Variants in OXSM observed in about 807,000 individuals in gnomAD.
OXSM encodes the protein 3-oxoacyl-ACP synthase, mitochondrial.
Under a neutral mutation model 29.2 loss-of-function variants are expected in OXSM, and 19 were observed. That is an observed-to-expected ratio of 0.65 (90% CI 0.45 to 0.96). The LOEUF is 0.96. OXSM is among the 40% of genes least tolerant of loss of function. The pLI is 0.00. For missense variants in OXSM, 554 were observed against 551.3 expected, an observed-to-expected ratio of 1.00 and a Z score of -0.05; for synonymous variants, 178 against 197.1, an observed-to-expected ratio of 0.90 and a Z score of 0.81.
At position 25,791,345 on chromosome 3, in the gene OXSM, A is replaced by G. The variant is rs367918208; in HGVS notation, c.325A>G (p.Lys109Glu). 5 of 1,614,060 alleles carry G rather than the reference A, an allele frequency of 3.1e-6. No homozygotes were observed. The African/African-American group carries it at 5.3e-5, about 17-fold the overall frequency. Reference protein sequence around the residue: ...GQFNEQNFVSKSDIKSMSSPT... With the variant: ...GQFNEQNFVSESDIKSMSSPT... The stretch of plus-strand genomic sequence containing the variant: ...GTTCAATGAACAAAACTTTGTGTCC[A>G]AATCAGATATCAAGTCCATGTCTTC... Residue 109 changes from lysine (K) to glutamate (E), a missense_variant, in exon 2 of 3, where the codon AAA (lysine) becomes GAA (glutamate). Transcript: ENST00000280701.
intron 1 of OXSM, chr3:25,790,760 ATCAAT>A (rs1482614713): frequency 2.6e-6 from 1 of 387,518 alleles, no homozygotes; most frequent in East Asian, 4.3e-5. Context: ...CGAATGAATC[ATCAAT>A]TCATTTATTT....
rs115457773 is a variant in OXSM at position 25,793,071 on chromosome 3, G to A, written c.978-1021G>A. 5.9e-3 allele frequency among the ~76,000 whole-genome samples: 900 copies of A among 152,258 alleles called. 9 individuals are homozygous for A. The highest frequency in any genetic ancestry group is 0.02 in the African/African-American group (841 of 41,560). ...ATTTACAAAAATAGGCATCTAGCCA[G>A]GGCCATAGTTTACCTACCCCTAAAT... On this transcript the variant is annotated intron_variant, in intron 2 of 2. Transcript: ENST00000280701.
rs1233315632 is a variant in OXSM at position 25,791,285 on chromosome 3, G to A, written c.265G>A (p.Ala89Thr). ...EEYKSIPCSV[A>T]AYVPRGSDEG... ...GTATAAGAGTATCCCTTGCAGTGTT[G>A]CTGCTTATGTGCCAAGAGGTAGTGA... The change falls in exon 2 of 3, where the codon GCT becomes ACT. Residue 89 changes from alanine to threonine, a missense_variant. Physicochemically the swap from Ala to Thr is moderately conservative, Grantham distance 58. Coordinates refer to ENST00000280701, the MANE Select transcript of OXSM (RefSeq NM_017897.3). The A allele has an allele frequency of 6.2e-7, 1 of 1,614,024 alleles. No individual in the cohort carries two copies. The highest frequency in any genetic ancestry group is 1.3e-5 in the African/African-American group (1 of 74,890).
At chr3:25,792,963 A>G (rs1708794926) in intron 2 of OXSM, among the ~76,000 whole-genome samples, 1 of 152,198 alleles carries the variant, frequency 6.6e-6, no homozygotes, top group African/African-American at 2.4e-5. Flanking sequence ...GTCTGTTGCA[A>G]CTAATCAACT....
chr3:25,792,528 A>G (rs1253118608), intron 2 of OXSM, among the ~76,000 whole-genome samples: 1 of 152,078 alleles, frequency 6.6e-6, no homozygotes, highest in African/African-American at 2.4e-5. Flanking sequence ...GTCTCTCTGT[A>G]TTGCCCATGC....
chr3:25,794,284 A>C lies in OXSM; in HGVS notation c.1170A>C (p.Ala390=). 2 of 1,614,238 alleles carry C rather than the reference A, an allele frequency of 1.2e-6. No homozygotes were observed. The highest frequency in any genetic ancestry group is 1.7e-6 in the Non-Finnish European group (2 of 1,180,030). ...KGATGHLLGA[A]GAVEAAFTTL... is the part of the protein sequence containing the mutation. ...CAACAGGACATCTGCTGGGAGCTGC[A>C]GGGGCAGTCGAGGCAGCTTTTACCA... Residue 390 remains alanine, a synonymous_variant, in exon 3 of 3, where the codon GCA becomes GCC. Coordinates refer to ENST00000280701, the MANE Select transcript of OXSM (RefSeq NM_017897.3).
chr3:25,794,027 C>T, intron 2 of OXSM, 65 bp from the exon 3 acceptor site: 3 of 1,410,782 alleles, frequency 2.1e-6, no homozygotes, highest in Middle Eastern at 3.7e-4. Context: ...ATAAGCCATA[C>T]AGATAAAGAG....
Position 25,791,703 on chromosome 3 carries a change from C to A in OXSM, c.683C>A (p.Ala228Asp). 2 of 1,614,152 alleles carry A rather than the reference C, an allele frequency of 1.2e-6. No individual in the cohort carries two copies. The highest frequency in any genetic ancestry group is 1.7e-6 in the Non-Finnish European group (2 of 1,179,998). The change falls in exon 2 of 3, where the codon GCT (alanine) becomes GAT (aspartate). Residue 228 changes from alanine (A) to aspartate (D), a missense_variant. Physicochemically the swap from Ala to Asp is moderately radical, Grantham distance 126 (BLOSUM62 -2). Coordinates refer to ENST00000280701, the MANE Select transcript of OXSM (RefSeq NM_017897.3). ...DSFRFIAHGD[A>D]DVMVAGGTDS... Reference sequence around the variant, plus strand: ...TTTAGATTTATAGCCCATGGTGATGCTGATGTGATGGTGGCTGGAGGTACA... The same window carrying A: ...TTTAGATTTATAGCCCATGGTGATGATGATGTGATGGTGGCTGGAGGTACA...
rs755119171 is a variant in OXSM at position 25,794,253 on chromosome 3, A to G, written c.1139A>G (p.Lys380Arg). Residue 380 changes from lysine to arginine, a missense_variant, in exon 3 of 3, where the codon AAG becomes AGG. Lys to Arg is a conservative substitution (Grantham distance 26). Coordinates refer to ENST00000280701, the MANE Select transcript of OXSM (RefSeq NM_017897.3). ...HAYALAVSST[K>R]GATGHLLGAA... ...TATGCCCTTGCAGTTTCCTCAACTA[A>G]GGGAGCAACAGGACATCTGCTGGGA... is the stretch of plus-strand genomic sequence containing the variant. 43 of 1,614,136 alleles carry G rather than the reference A, an allele frequency of 2.7e-5. No homozygotes were observed. In the Admixed American group the frequency reaches 6.7e-4, roughly 25 times the overall value.
intron 1 of OXSM, chr3:25,790,774 T>A: frequency 2.4e-6 from 1 of 419,572 alleles, no homozygotes; most frequent in Non-Finnish European, 4.3e-6. Context: ...ATTCATTTAT[T>A]TGTCTTCAAA....
intron 1 of OXSM, chr3:25,790,602 A>G (rs1159281596): frequency 5.6e-6 from 1 of 177,502 alleles, no homozygotes; most frequent in Non-Finnish European, 1.2e-5. Context: ...TTAAAAGAAT[A>G]TGCCCTGAAA....
Position 25,794,369 on chromosome 3 carries a change from G to C in OXSM, c.1255G>C (p.Glu419Gln), listed in dbSNP as rs151328335. The change falls in exon 3 of 3, where the codon GAA (glutamate) becomes CAA (glutamine). Residue 419 changes from glutamate to glutamine, a missense_variant. Physicochemically the swap from Glu to Gln is conservative, Grantham distance 29. Coordinates refer to ENST00000280701, the MANE Select transcript of OXSM (RefSeq NM_017897.3). ...TTTAAACCTGGATTGTTCGGAACCA[G>C]AATTTGATCTCAACTATGTTCCACT... is the stretch of plus-strand genomic sequence containing the variant. ...PTLNLDCSEPEFDLNYVPLKA... is the reference protein window; with the variant it reads ...PTLNLDCSEPQFDLNYVPLKA... The C allele has an allele frequency of 3.7e-3, 5,949 of 1,614,204 alleles. 22 individuals carry two copies. The highest frequency in any genetic ancestry group is 4.8e-3 in the Admixed American group (291 of 60,030).
At chr3:25,790,535 T>G (rs1708716292) in intron 1 of OXSM, 1 of 162,374 alleles carries the variant, frequency 6.2e-6, no homozygotes, top group South Asian at 1.6e-4. Context: ...CTGGGTAGCG[T>G]TTTGAAAAGG....
Position 25,791,891 on chromosome 3 carries a change from G to A in OXSM, c.871G>A (p.Ala291Thr). ...AVLVLEEYEH[A>T]VQRRARIYAE... The stretch of plus-strand genomic sequence containing the variant: ...GCTGGTGCTGGAAGAATATGAACAT[G>A]CTGTTCAAAGAAGAGCCCGGATCTA... Residue 291 changes from alanine (A) to threonine (T), a missense_variant, in exon 2 of 3, where the codon GCT becomes ACT. Ala to Thr is a moderately conservative substitution (Grantham distance 58, BLOSUM62 0). Coordinates refer to ENST00000280701, the MANE Select transcript of OXSM (RefSeq NM_017897.3). The A allele has an allele frequency of 6.2e-7, 1 of 1,609,554 alleles. No homozygotes were observed. The highest frequency in any genetic ancestry group is 8.5e-7 in the Non-Finnish European group (1 of 1,179,962).
In OXSM at chr3:25,794,366, C is replaced by T. The variant is rs766616019; in HGVS notation, c.1252C>T (p.Pro418Ser). ...PPTLNLDCSE[P>S]EFDLNYVPLK... ...TACTTTAAACCTGGATTGTTCGGAACCAGAATTTGATCTCAACTATGTTCC... is the reference window on the plus strand; with the variant it reads ...TACTTTAAACCTGGATTGTTCGGAATCAGAATTTGATCTCAACTATGTTCC... The change falls in exon 3 of 3, where the codon CCA becomes TCA. Residue 418 changes from proline to serine, a missense_variant. Transcript: ENST00000280701. 7 of 1,614,174 alleles carry T rather than the reference C, an allele frequency of 4.3e-6. No individual in the cohort carries two copies. Among genetic ancestry groups the T allele is most frequent in the South Asian group, 2.2e-5 (2 of 91,080 alleles).
chr3:25,791,427 A>G lies in OXSM; in HGVS notation c.407A>G (p.His136Arg), dbSNP rs1262753340. The G allele has an allele frequency of 1.2e-6, 2 of 1,614,140 alleles. No homozygotes were observed. Among genetic ancestry groups the G allele is most frequent in the Admixed American group, 1.7e-5 (1 of 60,028 alleles). The part of the protein sequence containing the change: ...AELAMKDSGW[H>R]PQSEADQVAT... ...TTAGCCATGAAGGATTCTGGCTGGC[A>G]TCCTCAGTCAGAAGCTGATCAAGTG... is the stretch of plus-strand genomic sequence containing the variant. The change falls in exon 2 of 3, where the codon CAT (histidine) becomes CGT (arginine). Residue 136 changes from histidine (H) to arginine (R), a missense_variant. His to Arg is a conservative substitution (Grantham distance 29). Coordinates refer to ENST00000280701, the MANE Select transcript of OXSM (RefSeq NM_017897.3).
rs1708829268 is a variant in OXSM, at chr3:25,794,292, T to C, written c.1178T>C (p.Val393Ala). ...TGHLLGAAGAVEAAFTTLACY... is the reference protein window; with the variant it reads ...TGHLLGAAGAAEAAFTTLACY... ...CATCTGCTGGGAGCTGCAGGGGCAG[T>C]CGAGGCAGCTTTTACCACATTAGCT... The change falls in exon 3 of 3, where the codon GTC (valine) becomes GCC (alanine). Residue 393 changes from valine to alanine, a missense_variant. By Grantham distance (64) the Val-to-Ala change is moderately conservative. Coordinates refer to ENST00000280701, the MANE Select transcript of OXSM (RefSeq NM_017897.3). The C allele has an allele frequency of 1.2e-6, 2 of 1,614,234 alleles. No homozygotes were observed. The highest frequency in any genetic ancestry group is 1.7e-6 in the Non-Finnish European group (2 of 1,180,036).
At position 25,794,436 on chromosome 3, in the gene OXSM, T is replaced by C; in HGVS notation, c.1322T>C (p.Leu441Pro). ...EWKTEKRFIG[L>P]TNSFGFGGTN... ...AAAACTGAGAAAAGATTTATTGGCCTCACCAATTCCTTTGGTTTTGGTGGT... is the reference window on the plus strand; with the variant it reads ...AAAACTGAGAAAAGATTTATTGGCCCCACCAATTCCTTTGGTTTTGGTGGT... Residue 441 changes from leucine (L) to proline (P), a missense_variant, in exon 3 of 3, where the codon CTC becomes CCC. Transcript: ENST00000280701. 6.2e-7 allele frequency: 1 copy of C among 1,613,118 alleles called. No homozygotes were observed.
At chr3:25,793,439 A>C (rs1287131678) in intron 2 of OXSM, among the ~76,000 whole-genome samples, 3 of 151,952 alleles carry the variant, frequency 2.0e-5, no homozygotes, top group African/African-American at 7.2e-5. Context: ...ATATATATAC[A>C]CACACAAACA....
Sources: allele counts gnomAD v4.1 joint callset (sites outside exome capture counted in the v4.1 genomes callset), GRCh38; gene constraint gnomAD v4.1.1; transcripts MANE v1.5; gene names NCBI Gene and HGNC (gene_info 2026-07-23, HGNC 2026-07-21).